The following ZNF654 variants were observed in gnomAD, a reference collection of about 807,000 sequenced individuals.
The protein encoded by ZNF654 is zinc finger protein 654, also known as melanoma-associated antigen.
ZNF654 carries 19 observed loss-of-function variants against 95.3 expected under a neutral mutation model. That is an observed-to-expected ratio of 0.20 (90% CI 0.14 to 0.29). The LOEUF (loss-of-function observed/expected upper bound fraction) is 0.29. ZNF654 is among the 10% of genes least tolerant of loss of function. The pLI is 1.00. For synonymous variants in ZNF654, 413 were observed against 457.9 expected, an observed-to-expected ratio of 0.90 and a Z score of 1.25; for missense variants, 1,046 against 1,341.0, an observed-to-expected ratio of 0.78 and a Z score of 3.44.
Position 88,141,007 on chromosome 3 carries a change from A to G in ZNF654, c.3338A>G (p.Lys1113Arg), listed in dbSNP as rs749574233. ...GCACTTGAGGCTCATCTTGCACAAA[A>G]GAAATGTCAGACACTCTTTGGATTT... Reference protein sequence around the residue: ...AEALEAHLAQKKCQTLFGFDS... With the variant: ...AEALEAHLAQRKCQTLFGFDS... Residue 1113 changes from lysine (K) to arginine (R), a missense_variant, in exon 8 of 9, where the codon AAG becomes AGG. By Grantham distance (26) the Lys-to-Arg change is conservative. This residue lies in a region of ZNF654 where 59 missense variants were observed against 73.0 expected (regional missense o/e 0.81). Transcript: ENST00000636215. 5.5e-5 allele frequency: 89 copies of G among 1,610,952 alleles called. No individual in the cohort carries two copies. The highest frequency in any genetic ancestry group is 7.0e-5 in the Non-Finnish European group (83 of 1,178,572).
At chr3:88,064,990 A>C (rs1231085212) in intron 1 of ZNF654, among the ~76,000 whole-genome samples, 3 of 152,258 alleles carry the variant, frequency 2.0e-5, no homozygotes, top group East Asian at 3.8e-4. Context: ...GAAATAATTT[A>C]ATTGCACTGA....
At chr3:88,076,377 TC>T (rs937723121) in intron 1 of ZNF654, among the ~76,000 whole-genome samples, 2 of 152,184 alleles carry the variant, frequency 1.3e-5, no homozygotes, top group Admixed American at 6.5e-5. Flanking sequence ...TAATTTTTTT[TC>T]CCCATTTTCA....
At position 88,139,644 on chromosome 3, in the gene ZNF654, G is replaced by A; in HGVS notation, c.1975G>A (p.Ala659Thr). ...GNKEVIPEHV[A>T]EFIEIPISVP... ...CAAAGAAGTCATCCCTGAGCATGTG[G>A]CTGAATTCATTGAAATTCCCATAAG... The change falls in exon 8 of 9, where the codon GCT (alanine) becomes ACT (threonine). Residue 659 changes from alanine (A) to threonine (T), a missense_variant. Ala to Thr is a moderately conservative substitution (Grantham distance 58). Coordinates refer to ENST00000636215, the MANE Select transcript of ZNF654 (RefSeq NM_001350134.2). The A allele has an allele frequency of 1.2e-6, 2 of 1,612,534 alleles. No homozygotes were observed. The highest frequency in any genetic ancestry group is 1.7e-6 in the Non-Finnish European group (2 of 1,179,196).
intron 2 of ZNF654, among the ~76,000 whole-genome samples, chr3:88,091,983 T>C (rs555029209): frequency 2.0e-5 from 3 of 152,336 alleles, no homozygotes; most frequent in East Asian, 3.9e-4. Context: ...AAAAATAATG[T>C]GTTAAGCAGA....
At chr3:88,068,343 T>G (rs184179956) in intron 1 of ZNF654, among the ~76,000 whole-genome samples, 20 of 152,218 alleles carry the variant, frequency 1.3e-4, no homozygotes, top group Admixed American at 3.9e-4. Flanking sequence ...GCTCCACTTG[T>G]GGCAAAACAT....
chr3:88,141,168 T>C, intron 8 of ZNF654, 120 bp downstream of exon 8: 1 of 1,139,148 alleles, frequency 8.8e-7, no homozygotes, highest in Non-Finnish European at 1.2e-6. Flanking sequence ...TAGTGAAGCA[T>C]TACTCCATAC....
chr3:88,128,348 A>C (rs1379650402), intron 4 of ZNF654, among the ~76,000 whole-genome samples: 1 of 152,098 alleles, frequency 6.6e-6, no homozygotes, highest in Non-Finnish European at 1.5e-5. Context: ...CTTTTTCATT[A>C]ATTCAGATTA....
At chr3:88,111,255 A>C (rs189627704) in intron 2 of ZNF654, among the ~76,000 whole-genome samples, 9 of 152,056 alleles carry the variant, frequency 5.9e-5, no homozygotes, top group African/African-American at 2.2e-4. Flanking sequence ...GAAAAATTAC[A>C]AAACGATTAA....
At chr3:88,087,174 G>A (rs1209833715) in intron 2 of ZNF654, among the ~76,000 whole-genome samples, 2 of 152,062 alleles carry the variant, frequency 1.3e-5, no homozygotes, top group East Asian at 3.9e-4. Flanking sequence ...TACCTCCCAG[G>A]TTCAAGTGAT....
intron 2 of ZNF654, among the ~76,000 whole-genome samples, chr3:88,104,289 C>T (rs1576286021): frequency 2.6e-5 from 4 of 152,184 alleles, no homozygotes; most frequent in Admixed American, 6.5e-5. Context: ...TATTTTTAAA[C>T]ACTGTAAAAC....
intron 1 of ZNF654, among the ~76,000 whole-genome samples, chr3:88,061,419 A>G (rs146409057): frequency 1.3e-5 from 2 of 152,292 alleles, no homozygotes; most frequent in East Asian, 1.9e-4. Flanking sequence ...AACTTAATGA[A>G]CGTTTATTTT....
Position 88,139,329 on chromosome 3 carries a change from T to G in ZNF654, c.1660T>G (p.Phe554Val). The G allele has an allele frequency of 1.2e-6, 2 of 1,605,870 alleles. No homozygotes were observed. The highest frequency in any genetic ancestry group is 1.7e-6 in the Non-Finnish European group (2 of 1,177,124). ...TCGTTGTATGTTATGTAACAAGGAA[T>G]TTTTAGGTGGTCACATTGTAAGGCA... ...RHRCMLCNKEFLGGHIVRHAQ... is the reference protein window; with the variant it reads ...RHRCMLCNKEVLGGHIVRHAQ... The change falls in exon 8 of 9, where the codon TTT becomes GTT. Residue 554 changes from phenylalanine to valine, a missense_variant. Phe to Val is a conservative substitution (Grantham distance 50). This residue lies in a region of ZNF654 where 100 missense variants were observed against 108.9 expected (regional missense o/e 0.92). Transcript: ENST00000636215.
intron 3 of ZNF654, among the ~76,000 whole-genome samples, chr3:88,116,052 G>T (rs1705369942): frequency 6.6e-6 from 1 of 152,098 alleles, no homozygotes. Context: ...CTGGTATCCA[G>T]TCATGTCCCC....
intron 1 of ZNF654, among the ~76,000 whole-genome samples, chr3:88,065,189 A>G (rs940430446): frequency 6.6e-6 from 1 of 152,256 alleles, no homozygotes; most frequent in Non-Finnish European, 1.5e-5. Flanking sequence ...TTCCCTGGAA[A>G]GACATCAACT....
At chr3:88,129,531 A>G (rs1450546636) in intron 5 of ZNF654, among the ~76,000 whole-genome samples, 156 bp from the exon 6 acceptor site, 1 of 152,168 alleles carries the variant, frequency 6.6e-6, no homozygotes, top group African/African-American at 2.4e-5. Flanking sequence ...CAGTGAAACT[A>G]TGAAACCATG....
chr3:88,138,504 C>T (rs189616637), intron 7 of ZNF654, among the ~76,000 whole-genome samples: 1 of 151,982 alleles, frequency 6.6e-6, no homozygotes, highest in Admixed American at 6.5e-5. Flanking sequence ...GCTATCTATT[C>T]CAGATTATTT....
At position 88,076,207 on chromosome 3, in the gene ZNF654, A is replaced by G. The variant is rs79018100; in HGVS notation, c.187-10050A>G. Among the ~76,000 whole-genome samples, 34 of 152,266 alleles carry G rather than the reference A, an allele frequency of 2.2e-4. No homozygotes were observed. In the East Asian group the frequency reaches 6.2e-3, roughly 28 times the overall value. ...GTGTGGTTTTTCAGTTGCTTTTATT[A>G]TAGACTTTCTGCCTTTTAAAAAGCA... On this transcript the variant is annotated intron_variant, in intron 1 of 8. Coordinates refer to ENST00000636215, the MANE Select transcript of ZNF654 (RefSeq NM_001350134.2).
intron 3 of ZNF654, among the ~76,000 whole-genome samples, chr3:88,116,640 A>T (rs1705424475): frequency 6.6e-6 from 1 of 152,038 alleles, no homozygotes; most frequent in African/African-American, 2.4e-5. Context: ...ATATATGTAT[A>T]TATATGGCTT....
At chr3:88,085,109 T>C (rs1298580947) in intron 1 of ZNF654, among the ~76,000 whole-genome samples, 1 of 152,220 alleles carries the variant, frequency 6.6e-6, no homozygotes, top group Non-Finnish European at 1.5e-5. Context: ...GAGAGACCCA[T>C]GGAAAATTGT....
Sources: allele counts gnomAD v4.1 joint callset (sites outside exome capture counted in the v4.1 genomes callset), GRCh38; gene constraint gnomAD v4.1.1; regional missense constraint gnomAD v4.1.1; transcripts MANE v1.5; gene names NCBI Gene and HGNC (gene_info 2026-07-23, HGNC 2026-07-21).